STXBP4: variants seen among roughly 807,000 people sequenced by gnomAD.
STXBP4 encodes syntaxin-binding protein 4.
STXBP4 carries 55 observed loss-of-function variants against 76.1 expected under a neutral mutation model. The observed-to-expected ratio is 0.72, with a 90% CI of 0.58 to 0.91. STXBP4 has a LOEUF of 0.91. STXBP4 is among the 40% of genes least tolerant of loss of function. STXBP4 has a pLI of 0.00. For missense variants in STXBP4, 618 were observed against 636.9 expected, an observed-to-expected ratio of 0.97 and a Z score of 0.32; for synonymous variants, 201 against 220.2, an observed-to-expected ratio of 0.91 and a Z score of 0.77.
intron 16 of STXBP4, among the ~76,000 whole-genome samples, chr17:55,085,073 T>C (rs1032105129): frequency 2.6e-5 from 4 of 152,038 alleles, no homozygotes; most frequent in Non-Finnish European, 4.4e-5. Flanking sequence ...ATGGATGAAA[T>C]TGGAAATCAT....
intron 9 of STXBP4, among the ~76,000 whole-genome samples, chr17:55,031,529 A>G (rs1191013873): frequency 6.6e-6 from 1 of 152,178 alleles, no homozygotes; most frequent in Non-Finnish European, 1.5e-5. Flanking sequence ...TATTTATTGC[A>G]TAAACATTGC....
Position 55,162,526 on chromosome 17 carries a change from A to G in STXBP4, c.*2615A>G, listed in dbSNP as rs951480253. 2.0e-5 allele frequency: 3 copies of G among 151,940 alleles called. No homozygotes were observed. Among genetic ancestry groups the G allele is most frequent in the African/African-American group, 4.8e-5 (2 of 41,288 alleles). The allele number at this position is 151,940 out of a possible 1,614,324, so 9.4% of individuals were successfully genotyped here. A position where few individuals can be genotyped will look rare whatever the true frequency, so the allele number is the denominator to read the frequency against. On this transcript the variant is annotated 3_prime_UTR_variant, in exon 18 of 18. Coordinates refer to ENST00000376352, the MANE Select transcript of STXBP4 (RefSeq NM_178509.6). ...ACTGTGCTAAACACTGTGGTGAAGTAGAACAATTGCTAATCATTTCCTGGG... is the reference window on the plus strand; with the variant it reads ...ACTGTGCTAAACACTGTGGTGAAGTGGAACAATTGCTAATCATTTCCTGGG...
In STXBP4 at chr17:55,160,466, G is replaced by A. The variant is rs1163050174; in HGVS notation, c.*555G>A. 1 of 152,614 alleles carries A rather than the reference G, an allele frequency of 6.6e-6. No homozygotes were observed. Among genetic ancestry groups the A allele is most frequent in the Non-Finnish European group, 1.5e-5 (1 of 68,094 alleles). The allele number at this position is 152,614 out of a possible 1,614,324, so 9.5% of individuals were successfully genotyped here. Reference sequence around the variant, plus strand: ...TACAAAATGCTTTGTAGACCCCATTGTCTTTAAACCATACAACATGCCCGT... The same window carrying A: ...TACAAAATGCTTTGTAGACCCCATTATCTTTAAACCATACAACATGCCCGT... On this transcript the variant is annotated 3_prime_UTR_variant, in exon 18 of 18. Coordinates refer to ENST00000376352, the MANE Select transcript of STXBP4 (RefSeq NM_178509.6).
At chr17:55,021,656 G>A (rs979188472) in intron 8 of STXBP4, among the ~76,000 whole-genome samples, 3 of 152,028 alleles carry the variant, frequency 2.0e-5, no homozygotes, top group Non-Finnish European at 4.4e-5. Flanking sequence ...CATTTAAGGT[G>A]TTTGTGGATG....
intron 17 of STXBP4, among the ~76,000 whole-genome samples, chr17:55,153,695 A>G (rs2080241291): frequency 6.6e-6 from 1 of 152,202 alleles, no homozygotes; most frequent in Non-Finnish European, 1.5e-5. Flanking sequence ...ATACAATTCT[A>G]TTTTAATAAG....
intron 16 of STXBP4, among the ~76,000 whole-genome samples, chr17:55,137,519 A>T (rs2145140208): frequency 6.6e-6 from 1 of 152,264 alleles, no homozygotes; most frequent in Non-Finnish European, 1.5e-5. Flanking sequence ...ATAAGTTTCT[A>T]CAAGAAAAAT....
At chr17:55,097,866 T>C (rs2079511791) in intron 16 of STXBP4, among the ~76,000 whole-genome samples, 1 of 151,978 alleles carries the variant, frequency 6.6e-6, no homozygotes, top group African/African-American at 2.4e-5. Flanking sequence ...GCTGGCTGAG[T>C]CTCATTTTTT....
intron 16 of STXBP4, among the ~76,000 whole-genome samples, chr17:55,126,719 T>C (rs1221230511): frequency 2.0e-5 from 3 of 152,222 alleles, no homozygotes; most frequent in Non-Finnish European, 2.9e-5. Flanking sequence ...GGTGCGTGAC[T>C]GTTGTCTCTG....
At chr17:55,190,663 G>C in the STXBP4 span, among the ~76,000 whole-genome samples, 2 of 152,158 alleles carry the variant, frequency 1.3e-5, no homozygotes, top group African/African-American at 4.8e-5. Context: ...GCTCCCGAGG[G>C]AGATAATAAG....
At chr17:55,071,919 T>A (rs1253983244) in intron 12 of STXBP4, among the ~76,000 whole-genome samples, 3 of 151,648 alleles carry the variant, frequency 2.0e-5, no homozygotes, top group Non-Finnish European at 4.4e-5. Context: ...GAAAAAGGAA[T>A]GGTTTACAGT....
intron 16 of STXBP4, among the ~76,000 whole-genome samples, chr17:55,083,818 A>C (rs1015945618): frequency 2.0e-5 from 3 of 152,132 alleles, no homozygotes; most frequent in Non-Finnish European, 4.4e-5. Flanking sequence ...AAGCTGTATC[A>C]CCTTTTATGA....
At chr17:55,096,729 T>C (rs537482345) in intron 16 of STXBP4, among the ~76,000 whole-genome samples, 1 of 152,206 alleles carries the variant, frequency 6.6e-6, no homozygotes, top group African/African-American at 2.4e-5. Flanking sequence ...AAAGCTCTCT[T>C]TGGGACTATT....
rs1567779740 is a variant in STXBP4 at position 55,141,316 on chromosome 17, C to T, written c.1496C>T (p.Pro499Leu). Residue 499 changes from proline to leucine, a missense_variant, in exon 17 of 18, where the codon CCT becomes CTT. Physicochemically the swap from Pro to Leu is moderately conservative, Grantham distance 98. Transcript: ENST00000376352. ...VRALLDMDCLPYGWEEAYTAD... is the reference protein window; with the variant it reads ...VRALLDMDCLLYGWEEAYTAD... The stretch of plus-strand genomic sequence containing the variant: ...TGGTTTCCTTTCACTGTAGGTTTAC[C>T]TTATGGGTGGGAGGAAGCTTACACA... The T allele has an allele frequency of 6.2e-7, 1 of 1,610,410 alleles. No individual in the cohort carries two copies. The highest frequency in any genetic ancestry group is 1.1e-5 in the South Asian group (1 of 90,428).
intron 12 of STXBP4, among the ~76,000 whole-genome samples, chr17:55,068,630 G>T (rs2079082485): frequency 1.3e-5 from 2 of 152,110 alleles, no homozygotes; most frequent in African/African-American, 4.8e-5. Context: ...CTAGCTCTTT[G>T]ATCACACAGG....
At chr17:55,183,563 C>T in the STXBP4 span, among the ~76,000 whole-genome samples, 1 of 152,298 alleles carries the variant, frequency 6.6e-6, no homozygotes, top group Non-Finnish European at 1.5e-5. Context: ...GACTAAATGC[C>T]TCAATTGTAG....
intron 12 of STXBP4, 92 bp from the exon 13 acceptor site, chr17:55,072,808 T>C: frequency 9.1e-7 from 1 of 1,095,404 alleles, no homozygotes; most frequent in Non-Finnish European, 1.3e-6. Context: ...CTTTTTGGAA[T>C]TATAACTTCC....
At chr17:54,972,131 T>A (rs1476141483) in intron 1 of STXBP4, among the ~76,000 whole-genome samples, 2 of 152,226 alleles carry the variant, frequency 1.3e-5, no homozygotes, top group African/African-American at 4.8e-5. Context: ...AACTTCTGTT[T>A]CTTTAAGATT....
At chr17:55,068,650 AT>A (rs2079082804) in intron 12 of STXBP4, among the ~76,000 whole-genome samples, 1 of 152,132 alleles carries the variant, frequency 6.6e-6, no homozygotes, top group African/African-American at 2.4e-5. Flanking sequence ...GTGATTATGT[AT>A]ATTTTTTCAA....
intron 8 of STXBP4, among the ~76,000 whole-genome samples, chr17:55,024,567 G>A (rs987431521): frequency 6.6e-6 from 1 of 152,176 alleles, no homozygotes; most frequent in African/African-American, 2.4e-5. Flanking sequence ...TTAGCAAGGA[G>A]AAAATGAACC....
Sources: allele counts gnomAD v4.1 joint callset (sites outside exome capture counted in the v4.1 genomes callset), GRCh38; gene constraint gnomAD v4.1.1; transcripts MANE v1.5; gene names NCBI Gene and HGNC (gene_info 2026-07-23, HGNC 2026-07-21).